Variants in MIPEP observed in about 807,000 individuals in gnomAD.
MIPEP encodes the protein mitochondrial intermediate peptidase.
MIPEP carries 79 observed loss-of-function variants against 90.3 expected under a neutral mutation model. The observed-to-expected ratio is 0.87, with a 90% CI of 0.73 to 1.05. The LOEUF (loss-of-function observed/expected upper bound fraction) is 1.05, where lower values mean the gene tolerates loss of function less well. Ranked by LOEUF, MIPEP falls within the 50% of genes least tolerant of loss-of-function variation. MIPEP has a pLI of 0.00. For synonymous variants in MIPEP, 334 were observed against 315.8 expected, an observed-to-expected ratio of 1.06 and a Z score of -0.61; for missense variants, 940 against 905.6, an observed-to-expected ratio of 1.04 and a Z score of -0.49.
intron 18 of MIPEP, among the ~76,000 whole-genome samples, chr13:23,738,348 T>C (rs1355987050): frequency 6.6e-6 from 1 of 152,006 alleles, no homozygotes; most frequent in Non-Finnish European, 1.5e-5. Flanking sequence ...CTATTGTTAA[T>C]GTAGTTTATG....
At chr13:23,885,552 G>C (rs749193627) in intron 2 of MIPEP, among the ~76,000 whole-genome samples, 2 of 151,558 alleles carry the variant, frequency 1.3e-5, no homozygotes, top group Non-Finnish European at 2.9e-5. Context: ...AACATCTCAT[G>C]TACCTCATGA....
chr13:23,782,235 C>A (rs1262802379), intron 16 of MIPEP, among the ~76,000 whole-genome samples: 1 of 152,110 alleles, frequency 6.6e-6, no homozygotes, highest in Non-Finnish European at 1.5e-5. Context: ...TGTAAAAGAA[C>A]AGAAATTATA....
At chr13:23,854,404 T>C (rs912024583) in intron 10 of MIPEP, among the ~76,000 whole-genome samples, 1 of 152,014 alleles carries the variant, frequency 6.6e-6, no homozygotes, top group African/African-American at 2.4e-5. Context: ...AGATCACTAA[T>C]CCTATACTAA....
intron 16 of MIPEP, among the ~76,000 whole-genome samples, chr13:23,775,435 C>T (rs1952704416): frequency 6.6e-6 from 1 of 152,078 alleles, no homozygotes; most frequent in Non-Finnish European, 1.5e-5. Context: ...ACTCTTGATT[C>T]CTTATCCGCA....
Position 23,858,894 on chromosome 13 carries a change from G to A in MIPEP, c.1072C>T (p.Pro358Ser), listed in dbSNP as rs1236451729. The A allele has an allele frequency of 6.2e-7, 1 of 1,613,466 alleles. No homozygotes were observed. Among genetic ancestry groups the A allele is most frequent in the Non-Finnish European group, 8.5e-7 (1 of 1,179,566 alleles). ...CGAATCACACCACTGTAGTAAGGGGGGTCCCAGGGCATTACTTCCTACAAT... is the reference window on the plus strand; with the variant it reads ...CGAATCACACCACTGTAGTAAGGGGAGTCCCAGGGCATTACTTCCTACAAT... ...PQNSEVMPWD[P>S]PYYSGVIRAE... The change falls in exon 10 of 19, where the codon CCC becomes TCC. Residue 358 changes from proline to serine, a missense_variant. By Grantham distance (74) the Pro-to-Ser change is moderately conservative. Transcript: ENST00000382172.
rs1330743440 is a variant in MIPEP, at chr13:23,881,792, T to G, written c.364-5A>C. 9.3e-6 allele frequency: 15 copies of G among 1,610,948 alleles called. No individual in the cohort carries two copies. Among genetic ancestry groups the G allele is most frequent in the Non-Finnish European group, 1.3e-5 (15 of 1,177,694 alleles). ...AGCGATTTTCACAAAATCAGCCTAA[T>G]AAAGGGGAAAGACAAAACCAAAAGG... On this transcript the variant is annotated splice_region_variant and splice_polypyrimidine_tract_variant and intron_variant, in intron 2 of 18. Transcript: ENST00000382172.
intron 14 of MIPEP, among the ~76,000 whole-genome samples, chr13:23,830,247 T>C (rs1484171287): frequency 1.3e-5 from 2 of 152,170 alleles, no homozygotes. Flanking sequence ...TTGAAATAAA[T>C]ACACTGCAGC....
intron 14 of MIPEP, among the ~76,000 whole-genome samples, chr13:23,815,644 T>C (rs774740729): frequency 3.2e-4 from 49 of 152,176 alleles, no homozygotes; most frequent in Non-Finnish European, 6.2e-4. Context: ...AATAGCCGAT[T>C]ATCTTGAACC....
At chr13:23,812,440 C>T (rs1314356912) in intron 14 of MIPEP, among the ~76,000 whole-genome samples, 3 of 151,644 alleles carry the variant, frequency 2.0e-5, no homozygotes, top group East Asian at 1.9e-4. Context: ...TTGGAGAAGC[C>T]GGGAAGCTGA....
At chr13:23,732,542 CACT>C (rs991737599) in intron 18 of MIPEP, among the ~76,000 whole-genome samples, 3 of 152,178 alleles carry the variant, frequency 2.0e-5, no homozygotes, top group African/African-American at 7.2e-5. Flanking sequence ...TGAATACACA[CACT>C]ACAATATATT....
intron 11 of MIPEP, among the ~76,000 whole-genome samples, chr13:23,840,790 A>T (rs1869261759): frequency 6.6e-6 from 1 of 152,240 alleles, no homozygotes; most frequent in Non-Finnish European, 1.5e-5. Flanking sequence ...CAAAGCCTCA[A>T]ATCCTATGAG....
At chr13:23,750,317 C>T (rs1213356412) in intron 18 of MIPEP, among the ~76,000 whole-genome samples, 1 of 152,104 alleles carries the variant, frequency 6.6e-6, no homozygotes, top group Admixed American at 6.5e-5. Context: ...TTTTCTGTTC[C>T]AGGACCAACC....
intron 14 of MIPEP, among the ~76,000 whole-genome samples, chr13:23,814,820 CT>C (rs745427067): frequency 4.0e-4 from 61 of 152,270 alleles, no homozygotes; most frequent in Non-Finnish European, 2.4e-4. Context: ...AGAGCATGGC[CT>C]GCCTTAACAC....
intron 14 of MIPEP, among the ~76,000 whole-genome samples, chr13:23,826,687 T>C (rs1868464412): frequency 6.6e-6 from 1 of 152,140 alleles, no homozygotes; most frequent in Non-Finnish European, 1.5e-5. Context: ...AATGCTTATG[T>C]TAAATAAAAC....
chr13:23,883,480 C>T (rs1232416642), intron 2 of MIPEP, among the ~76,000 whole-genome samples: 1 of 152,164 alleles, frequency 6.6e-6, no homozygotes, highest in Admixed American at 6.5e-5. Context: ...TCCACAGATG[C>T]TCAAGTCTCT....
At chr13:23,865,404 A>C (rs1416528293) in intron 7 of MIPEP, among the ~76,000 whole-genome samples, 7 of 152,240 alleles carry the variant, frequency 4.6e-5, no homozygotes, top group Admixed American at 2.0e-4. Context: ...GCCACTGTCA[A>C]TACTTAACAA....
At chr13:23,773,240 TG>T (rs1952672631) in intron 16 of MIPEP, among the ~76,000 whole-genome samples, 1 of 152,226 alleles carries the variant, frequency 6.6e-6, no homozygotes, top group Non-Finnish European at 1.5e-5. Flanking sequence ...AGAGGTTTTT[TG>T]TGTCTAGTTT....
intron 16 of MIPEP, among the ~76,000 whole-genome samples, chr13:23,788,250 G>T (rs1460811273): frequency 6.6e-6 from 1 of 152,134 alleles, no homozygotes; most frequent in East Asian, 1.9e-4. Context: ...ACTTATTTAT[G>T]AATTCTTTCT....
At chr13:23,881,236 C>T (rs986779027) in intron 3 of MIPEP, among the ~76,000 whole-genome samples, 1 of 152,190 alleles carries the variant, frequency 6.6e-6, no homozygotes, top group African/African-American at 2.4e-5. Flanking sequence ...TTTGGCTTCT[C>T]GCCCCGTGGC....
Sources: gnomAD v4.1 joint callset for allele counts (sites outside exome capture counted in the v4.1 genomes callset) on GRCh38, gnomAD v4.1.1 for gene constraint, MANE v1.5 for transcripts, NCBI Gene and HGNC (gene_info 2026-07-23, HGNC 2026-07-21) for gene names.